Variants in AFDN observed in about 807,000 individuals in gnomAD.
The protein encoded by AFDN is afadin, adherens junction formation factor.
AFDN carries 68 observed loss-of-function variants against 216.6 expected under a neutral mutation model. The ratio of observed to expected loss-of-function variants is 0.31; its 90% CI spans 0.26 to 0.38. The LOEUF (loss-of-function observed/expected upper bound fraction) is 0.38. Among genes scored for constraint, AFDN ranks in the 10% least tolerant of loss-of-function variants. The pLI, the probability that AFDN is intolerant of heterozygous loss-of-function variation, is 1.00. For synonymous variants in AFDN, 868 were observed against 853.7 expected, an observed-to-expected ratio of 1.02 and a Z score of -0.29; for missense variants, 2,136 against 2,342.0, an observed-to-expected ratio of 0.91 and a Z score of 1.82.
chr6:167,927,971 T>C (rs1232349013), intron 23 of AFDN, among the ~76,000 whole-genome samples: 1 of 152,226 alleles, frequency 6.6e-6, no homozygotes, highest in Non-Finnish European at 1.5e-5. Flanking sequence ...GTAACCTCCA[T>C]ATTTTCTGTT....
intron 1 of AFDN, among the ~76,000 whole-genome samples, chr6:167,845,204 C>T (rs1265064327): frequency 6.6e-6 from 1 of 152,026 alleles, no homozygotes; most frequent in South Asian, 2.1e-4. Context: ...TATTTTCTTT[C>T]TATGTGAAGT....
intron 1 of AFDN, among the ~76,000 whole-genome samples, chr6:167,853,540 C>T (rs933127400): frequency 2.6e-5 from 4 of 151,966 alleles, no homozygotes; most frequent in Admixed American, 1.3e-4. Context: ...ATGTTTCCAG[C>T]GATTGTCTTT....
chr6:167,968,917 T>G, intron 32 of AFDN, 197 bp from the exon 33 acceptor site: 2 of 551,742 alleles, frequency 3.6e-6, no homozygotes, highest in Non-Finnish European at 6.5e-6. Flanking sequence ...CTTTTGAGAG[T>G]AGTAATTGGA....
intron 31 of AFDN, chr6:167,963,394 G>A (rs1797230483): frequency 1.9e-6 from 2 of 1,056,788 alleles, no homozygotes; most frequent in East Asian, 1.1e-4. Context: ...GAAGCTTTCA[G>A]TGTTACAACT....
intron 7 of AFDN, among the ~76,000 whole-genome samples, chr6:167,889,582 G>A (rs1246175897): frequency 7.1e-6 from 1 of 140,316 alleles, no homozygotes; most frequent in South Asian, 2.3e-4. Flanking sequence ...TACAGGCTCC[G>A]CCCCCATGCC....
chr6:167,875,793 C>T (rs1562592744), intron 5 of AFDN, among the ~76,000 whole-genome samples: 1 of 151,940 alleles, frequency 6.6e-6, no homozygotes, highest in African/African-American at 2.4e-5. Context: ...GTGTACGTAT[C>T]ACTGAGGTTT....
Position 167,971,564 on chromosome 6 carries a change from G to C in AFDN, c.*1629G>C. The C allele has an allele frequency of 5.1e-6, 1 of 194,614 alleles. No homozygotes were observed. 12.1% of individuals were successfully genotyped at this position (194,614 alleles called of 1,614,324 possible). ...GCAGCAGAAGTTCTAGGAAAAGCAG[G>C]CACCTCCCAAATATCTTGAGGACAC... On this transcript the variant is annotated 3_prime_UTR_variant, in exon 34 of 34. Transcript: ENST00000683244.
chr6:167,896,225 CAAAAAA>C (rs35338275), intron 9 of AFDN, among the ~76,000 whole-genome samples: 1 of 136,566 alleles, frequency 7.3e-6, no homozygotes, highest in African/African-American at 2.8e-5. Context: ...TATAAAATGA[CAAAAAA>C]AAAAAAGCCA....
At position 167,880,438 on chromosome 6, in the gene AFDN, C is replaced by T. The variant is rs780238797; in HGVS notation, c.818C>T (p.Pro273Leu). ...ACAATCCTGCTGTCTACTACAGATCCTGCAGACTTTGCTGTGGCTGAAGCT... is the reference window on the plus strand; with the variant it reads ...ACAATCCTGCTGTCTACTACAGATCTTGCAGACTTTGCTGTGGCTGAAGCT... ...YKTILLSTTDPADFAVAEALE... is the reference protein window; with the variant it reads ...YKTILLSTTDLADFAVAEALE... The change falls in exon 6 of 34, where the codon CCT (proline) becomes CTT (leucine). Residue 273 changes from proline to leucine, a missense_variant. By Grantham distance (98) the Pro-to-Leu change is moderately conservative. Transcript: ENST00000683244. 18 of 1,613,728 alleles carry T rather than the reference C, an allele frequency of 1.1e-5. No homozygotes were observed. Among genetic ancestry groups the T allele is most frequent in the Non-Finnish European group, 1.4e-5 (16 of 1,179,784 alleles).
intron 1 of AFDN, among the ~76,000 whole-genome samples, chr6:167,838,894 A>T (rs1780744154): frequency 6.6e-6 from 1 of 152,234 alleles, no homozygotes; most frequent in Admixed American, 6.5e-5. Context: ...ATAAACTAAG[A>T]CTACTCACTC....
chr6:167,907,052 C>T, intron 12 of AFDN, 119 bp from the exon 13 acceptor site: 3 of 694,660 alleles, frequency 4.3e-6, no homozygotes, highest in Non-Finnish European at 2.5e-6. Flanking sequence ...ATTTCCTGGT[C>T]TGTGTTCTTG....
chr6:167,860,583 G>A (rs1037398208), intron 1 of AFDN, among the ~76,000 whole-genome samples: 1 of 152,120 alleles, frequency 6.6e-6, no homozygotes, highest in Admixed American at 6.5e-5. Flanking sequence ...AAACAAGCTT[G>A]TTTTCATTTT....
At chr6:167,850,711 G>T (rs937194368) in intron 1 of AFDN, among the ~76,000 whole-genome samples, 1 of 151,882 alleles carries the variant, frequency 6.6e-6, no homozygotes, top group African/African-American at 2.4e-5. Flanking sequence ...CATTTTCTTG[G>T]GTTTTCTTTC....
chr6:167,949,776 G>A (rs1795747638), intron 29 of AFDN, among the ~76,000 whole-genome samples: 1 of 152,184 alleles, frequency 6.6e-6, no homozygotes, highest in Non-Finnish European at 1.5e-5. Flanking sequence ...CCATTTTTAT[G>A]CACAGTATTT....
intron 5 of AFDN, among the ~76,000 whole-genome samples, chr6:167,877,622 A>G (rs1785539671): frequency 6.6e-6 from 1 of 152,230 alleles, no homozygotes; most frequent in Non-Finnish European, 1.5e-5. Flanking sequence ...TAAGGAAGCC[A>G]AAAGTATTAA....
chr6:167,921,449 A>G (rs916816969), intron 21 of AFDN, among the ~76,000 whole-genome samples: 2 of 152,372 alleles, frequency 1.3e-5, no homozygotes, highest in Admixed American at 1.3e-4. Context: ...TCATGACATC[A>G]GTGTTTTTAA....
In AFDN at chr6:167,951,650, C is replaced by T. The variant is rs76831621; in HGVS notation, c.4296C>T (p.Arg1432=). The T allele has an allele frequency of 4.1e-4, 664 of 1,613,984 alleles. 7 individuals carry two copies. The African/African-American group carries it at 7.0e-3, about 17-fold the overall frequency. Residue 1432 remains arginine (R), a synonymous_variant, in exon 30 of 34, where the codon CGC becomes CGT. Transcript: ENST00000683244. This position sits in a 1 kb window ranked among gnomAD's most constrained non-coding sequence, Gnocchi z 7.1. The part of the protein sequence containing the change: ...HQRWYEKEKA[R]LEEERERKRR... ...GTTGGTATGAGAAGGAGAAGGCCCG[C>T]CTGGAGGAGGAGCGGGAGAGGAAGC...
intron 6 of AFDN, among the ~76,000 whole-genome samples, chr6:167,888,688 A>G (rs1267263326): frequency 6.6e-6 from 1 of 152,246 alleles, no homozygotes; most frequent in African/African-American, 2.4e-5. Flanking sequence ...TGTTGAATGA[A>G]TGACTTGCCC....
chr6:167,967,095 A>G (rs1797645893), intron 32 of AFDN, among the ~76,000 whole-genome samples: 1 of 152,244 alleles, frequency 6.6e-6, no homozygotes, highest in African/African-American at 2.4e-5. Context: ...TGTTTAAAAT[A>G]TAGCTGAATT....
Sources: gnomAD v4.1 joint callset for allele counts (sites outside exome capture counted in the v4.1 genomes callset) on GRCh38, gnomAD v4.1.1 for gene constraint, Gnocchi (gnomAD v3.1) non-coding constraint, MANE v1.5 for transcripts, NCBI Gene and HGNC (gene_info 2026-07-23, HGNC 2026-07-21) for gene names.